Variants in GNA14 observed in about 807,000 individuals in gnomAD.
GNA14 encodes the protein guanine nucleotide-binding protein subunit alpha-14.
In GNA14, 50 loss-of-function variants were observed where a neutral mutation model predicts 42.0. That is an observed-to-expected ratio of 1.19 (90% CI 0.95 to 1.51). GNA14 has a LOEUF of 1.51. GNA14 is among the 40% of genes most tolerant of loss of function. GNA14 has a pLI of 0.00. For synonymous variants in GNA14, 173 were observed against 163.1 expected (o/e 1.06, Z -0.46); for missense variants, 473 against 446.2 (o/e 1.06, Z -0.54).
chr9:77,531,427 T>C (rs1388565807), intron 1 of GNA14, among the ~76,000 whole-genome samples: 1 of 152,192 alleles, frequency 6.6e-6, no homozygotes, highest in Non-Finnish European at 1.5e-5. Flanking sequence ...AAAGACCTTA[T>C]ACTGTCCAAG....
At chr9:77,613,376 C>T (rs1386707532) in intron 1 of GNA14, among the ~76,000 whole-genome samples, 2 of 151,994 alleles carry the variant, frequency 1.3e-5, no homozygotes, top group Non-Finnish European at 2.9e-5. Context: ...ATGGCAGTTG[C>T]CAGGGAGTAG....
At chr9:77,645,506 T>C (rs766441581) in intron 1 of GNA14, among the ~76,000 whole-genome samples, 10 of 152,154 alleles carry the variant, frequency 6.6e-5, no homozygotes, top group Non-Finnish European at 1.0e-4. Context: ...AAGTTTTCAC[T>C]AAGGGGATAT....
At position 77,557,412 on chromosome 9, in the gene GNA14, CT is replaced by C. The variant is rs561427101; in HGVS notation, c.125-28160del. ...ATGCAGTGAAATCAGTGAAGACCAC[CT>C]TGCTTTTTCCAGTATTTTTATGTTC... On this transcript the variant is annotated intron_variant, in intron 1 of 6. Coordinates refer to ENST00000341700, the MANE Select transcript of GNA14 (RefSeq NM_004297.4). 3.0e-3 allele frequency among the ~76,000 whole-genome samples: 453 copies of C among 152,284 alleles called. 3 individuals are homozygous for C. The highest frequency in any genetic ancestry group is 0.01 in the African/African-American group (427 of 41,558).
In GNA14 at chr9:77,576,874, C is replaced by T. The variant is rs531858521; in HGVS notation, c.125-47621G>A. 9.2e-5 allele frequency among the ~76,000 whole-genome samples: 14 copies of T among 151,914 alleles called. 1 individual carries two copies. Among genetic ancestry groups the T allele is most frequent in the Admixed American group, 7.2e-4 (11 of 15,244 alleles). On this transcript the variant is annotated intron_variant, in intron 1 of 6. Transcript: ENST00000341700. ...AATATTTTCCAGGGTAAATGACATA[C>T]GACATTATGAAAATATGAGCCTCAT...
At chr9:77,517,515 G>A (rs193037271) in intron 2 of GNA14, 3 of 150,960 alleles carry the variant, frequency 2.0e-5, no homozygotes, top group African/African-American at 7.3e-5. Context: ...ACACACATTG[G>A]AGGACACAGG....
intron 1 of GNA14, among the ~76,000 whole-genome samples, chr9:77,537,529 G>A (rs1368698815): frequency 2.6e-5 from 4 of 152,170 alleles, no homozygotes; most frequent in Non-Finnish European, 5.9e-5. Context: ...TGTGAATAGG[G>A]CTGTGATAAA....
chr9:77,567,806 G>A (rs1822990796), intron 1 of GNA14, among the ~76,000 whole-genome samples: 1 of 150,778 alleles, frequency 6.6e-6, no homozygotes, highest in African/African-American at 2.5e-5. Flanking sequence ...GGCGGAGGTT[G>A]CAGTGAGCCA....
chr9:77,541,541 T>A (rs1421624972), intron 1 of GNA14, among the ~76,000 whole-genome samples: 1 of 152,220 alleles, frequency 6.6e-6, no homozygotes. Context: ...TGTATCTGTT[T>A]GAGCATCTTT....
chr9:77,614,925 T>G (rs1823786882), intron 1 of GNA14, among the ~76,000 whole-genome samples: 1 of 152,202 alleles, frequency 6.6e-6, no homozygotes, highest in Non-Finnish European at 1.5e-5. Flanking sequence ...CATAATTTAC[T>G]GTAAATGCCA....
At chr9:77,643,255 T>TTC in intron 1 of GNA14, among the ~76,000 whole-genome samples, 1 of 151,824 alleles carries the variant, frequency 6.6e-6, no homozygotes. Flanking sequence ...TTTTTTTTTT[T>TTC]TGAGACAGAG....
intron 1 of GNA14, among the ~76,000 whole-genome samples, chr9:77,568,167 C>A (rs1249756483): frequency 6.6e-6 from 1 of 152,072 alleles, no homozygotes; most frequent in Non-Finnish European, 1.5e-5. Context: ...AGAATGTTAA[C>A]TGGCCAGGGG....
intron 2 of GNA14, among the ~76,000 whole-genome samples, chr9:77,477,356 A>G (rs888896834): frequency 2.6e-5 from 4 of 152,164 alleles, no homozygotes; most frequent in Non-Finnish European, 5.9e-5. Context: ...CAGAAAAAGA[A>G]AAGGAAAAAA....
intron 1 of GNA14, chr9:77,580,599 G>T: frequency 2.0e-6 from 1 of 492,690 alleles, no homozygotes; most frequent in Non-Finnish European, 4.0e-6. Flanking sequence ...CCAATGACAT[G>T]TTCAGGCTTG....
At chr9:77,458,904 A>AGCG (rs55765810) in intron 2 of GNA14, among the ~76,000 whole-genome samples, 2,147 of 134,456 alleles carry the variant, frequency 0.016, 108 homozygotes, top group East Asian at 0.15. Flanking sequence ...CACAAGCTGG[A>AGCG]GGGGGGGGGG....
intron 1 of GNA14, among the ~76,000 whole-genome samples, chr9:77,589,421 G>A (rs1399700396): frequency 1.3e-5 from 2 of 151,996 alleles, no homozygotes; most frequent in South Asian, 2.1e-4. Flanking sequence ...TTGTTTGTTT[G>A]TTTTTGGAAG....
intron 2 of GNA14, among the ~76,000 whole-genome samples, chr9:77,453,149 AAAAAAT>A (rs1292891906): frequency 6.6e-6 from 1 of 152,006 alleles, no homozygotes; most frequent in Non-Finnish European, 1.5e-5. Flanking sequence ...CTGAAAAAAT[AAAAAAT>A]AAAAATAAAA....
chr9:77,425,415 A>G, intron 6 of GNA14, 147 bp downstream of exon 6: 1 of 575,616 alleles, frequency 1.7e-6, no homozygotes, highest in Non-Finnish European at 3.1e-6. Context: ...TGGTGCAACT[A>G]GAGCTTCTGT....
rs181218313 is a variant in GNA14 at position 77,498,512 on chromosome 9, T to C, written c.309+30557A>G. Reference sequence around the variant, plus strand: ...AGGAGCTACTCAATATACTACATAGTGAATGGATGGATGGCTCCTAAGAGC... The same window carrying C: ...AGGAGCTACTCAATATACTACATAGCGAATGGATGGATGGCTCCTAAGAGC... On this transcript the variant is annotated intron_variant, in intron 2 of 6. Coordinates refer to ENST00000341700, the MANE Select transcript of GNA14 (RefSeq NM_004297.4). Among the ~76,000 whole-genome samples the C allele has an allele frequency of 1.3e-5, 2 of 152,068 alleles. 1 individual carries two copies. Among genetic ancestry groups the C allele is most frequent in the Admixed American group, 1.3e-4 (2 of 15,272 alleles).
At chr9:77,633,183 G>A (rs1197356496) in intron 1 of GNA14, among the ~76,000 whole-genome samples, 1 of 152,162 alleles carries the variant, frequency 6.6e-6, no homozygotes, top group African/African-American at 2.4e-5. Context: ...AAAAAGAAAT[G>A]TAGAAGGTGC....
Sources: gnomAD v4.1 joint callset for allele counts (sites outside exome capture counted in the v4.1 genomes callset) on GRCh38, gnomAD v4.1.1 for gene constraint, MANE v1.5 for transcripts, NCBI Gene and HGNC (gene_info 2026-07-23, HGNC 2026-07-21) for gene names.